CPQ: variants seen among roughly 807,000 people sequenced by gnomAD.
CPQ encodes Ser-Met dipeptidase.
A neutral mutation model predicts 45.7 loss-of-function variants in CPQ; 37 were observed. The ratio of observed to expected loss-of-function variants is 0.81; its 90% confidence interval spans 0.62 to 1.07. The LOEUF (loss-of-function observed/expected upper bound fraction) is 1.07. CPQ is among the 50% of genes least tolerant of loss of function. The pLI is 0.00. For missense variants in CPQ, 537 were observed against 572.9 expected, an observed-to-expected ratio of 0.94 and a Z score of 0.64; for synonymous variants, 186 against 205.8, an observed-to-expected ratio of 0.90 and a Z score of 0.82.
At chr8:96,791,711 G>C in intron 2 of CPQ, among the ~76,000 whole-genome samples, 1 of 152,168 alleles carries the variant, frequency 6.6e-6, no homozygotes, top group Middle Eastern at 3.2e-3. Flanking sequence ...TGTAAAGTTG[G>C]CGTAACAGGA....
At chr8:96,926,576 C>CTTCTTCTTCTTCTTCTTCTTATTCTTCT (rs1812882233) in intron 4 of CPQ, among the ~76,000 whole-genome samples, 14 of 75,042 alleles carry the variant, frequency 1.9e-4, no homozygotes, top group African/African-American at 1.1e-3. Flanking sequence ...CTTCCTCTTC[C>CTTCTTCTTCTTCTTCTTCTTATTCTTCT]TCTTCTTCTT....
At chr8:97,056,759 T>C (rs186642218) in intron 6 of CPQ, among the ~76,000 whole-genome samples, 1 of 152,298 alleles carries the variant, frequency 6.6e-6, no homozygotes, top group East Asian at 1.9e-4. Flanking sequence ...ATCTGTTCAT[T>C]TGACAAGTAT....
intron 7 of CPQ, among the ~76,000 whole-genome samples, chr8:97,125,659 A>C (rs924909471): frequency 6.6e-6 from 1 of 152,218 alleles, no homozygotes; most frequent in Non-Finnish European, 1.5e-5. Context: ...CATAAAAAGC[A>C]TTGCACAAAA....
At chr8:96,784,817 C>A in intron 1 of CPQ, 47 bp from the exon 2 acceptor site, 1 of 1,367,442 alleles carries the variant, frequency 7.3e-7, no homozygotes, top group Admixed American at 2.2e-5. Context: ...GGGCAGATAG[C>A]TGTGAGATTC....
intron 5 of CPQ, among the ~76,000 whole-genome samples, chr8:97,021,493 T>C (rs1184674659): frequency 2.0e-5 from 3 of 152,176 alleles, no homozygotes; most frequent in Non-Finnish European, 2.9e-5. Flanking sequence ...CTAGAACTGA[T>C]ACAAGAATTC....
intron 1 of CPQ, among the ~76,000 whole-genome samples, chr8:96,679,532 G>T (rs1460495070): frequency 6.6e-6 from 1 of 152,056 alleles, no homozygotes; most frequent in Non-Finnish European, 1.5e-5. Flanking sequence ...GTAGAATTCA[G>T]CAGTAAAGCC....
chr8:96,814,671 A>G (rs1269700149), intron 2 of CPQ, among the ~76,000 whole-genome samples: 3 of 152,152 alleles, frequency 2.0e-5, no homozygotes, highest in African/African-American at 4.8e-5. Flanking sequence ...TGGTGTTGAT[A>G]TAGAAATGAG....
intron 1 of CPQ, among the ~76,000 whole-genome samples, chr8:96,766,857 C>T (rs776290386): frequency 2.0e-5 from 3 of 152,070 alleles, no homozygotes; most frequent in African/African-American, 7.3e-5. Context: ...GAAAACTCCA[C>T]GGCAAGCTGG....
At position 96,916,118 on chromosome 8, in the gene CPQ, C is replaced by T. The variant is rs906085132; in HGVS notation, c.849+36113C>T. On this transcript the variant is annotated intron_variant, in intron 4 of 7. Transcript: ENST00000220763. ...CCTACTTCCCTTCCTTTATAAGCCCCGGTTGAGTAGCTTCACTTTAGAGTA... is the reference window on the plus strand; with the variant it reads ...CCTACTTCCCTTCCTTTATAAGCCCTGGTTGAGTAGCTTCACTTTAGAGTA... Among the ~76,000 whole-genome samples the T allele has an allele frequency of 4.6e-5, 7 of 152,112 alleles. No individual in the cohort carries two copies. In the South Asian group the frequency reaches 6.2e-4, roughly 14 times the overall value.
At chr8:97,141,616 C>T (rs180965959) in intron 7 of CPQ, among the ~76,000 whole-genome samples, 19 of 152,218 alleles carry the variant, frequency 1.2e-4, no homozygotes, top group East Asian at 3.9e-4. Context: ...TGGAATTGCA[C>T]GGTAAAATTG....
At chr8:96,793,999 G>C (rs914877951) in intron 2 of CPQ, among the ~76,000 whole-genome samples, 2 of 152,198 alleles carry the variant, frequency 1.3e-5, no homozygotes, top group Non-Finnish European at 2.9e-5. Context: ...GGCTGGTCTT[G>C]AGTGTCTGCA....
intron 5 of CPQ, among the ~76,000 whole-genome samples, chr8:96,985,692 T>G (rs1808954040): frequency 6.6e-6 from 1 of 152,210 alleles, no homozygotes; most frequent in South Asian, 2.1e-4. Flanking sequence ...ACAAGTTTTC[T>G]TGGTATTTTA....
In CPQ at chr8:96,970,858, C is replaced by G. The variant is rs186187607; in HGVS notation, c.961+4812C>G. Among the ~76,000 whole-genome samples, 47 of 152,272 alleles carry G rather than the reference C, an allele frequency of 3.1e-4. No individual in the cohort carries two copies. The East Asian group carries it at 7.5e-3, about 24-fold the overall frequency. ...GATTACAGGCGTGAGCCACCGCGCCCGGCCACTCTTAAGTACTTTATAATA... is the reference window on the plus strand; with the variant it reads ...GATTACAGGCGTGAGCCACCGCGCCGGGCCACTCTTAAGTACTTTATAATA... On this transcript the variant is annotated intron_variant, in intron 5 of 7. Coordinates refer to ENST00000220763, the MANE Select transcript of CPQ (RefSeq NM_016134.4).
intron 3 of CPQ, among the ~76,000 whole-genome samples, chr8:96,852,408 G>A (rs972234279): frequency 2.0e-5 from 3 of 152,058 alleles, no homozygotes; most frequent in Non-Finnish European, 2.9e-5. Context: ...GTGTTCAATC[G>A]TATTTCTCTC....
At chr8:97,089,685 A>AT (rs1276202430) in intron 7 of CPQ, among the ~76,000 whole-genome samples, 2 of 152,114 alleles carry the variant, frequency 1.3e-5, no homozygotes, top group Non-Finnish European at 2.9e-5. Flanking sequence ...AACATCTGTC[A>AT]TTTTTTCCTT....
Position 97,096,430 on chromosome 8 carries a change from A to G in CPQ, c.1255+30220A>G, listed in dbSNP as rs371084668. Among the ~76,000 whole-genome samples the G allele has an allele frequency of 1.1e-4, 16 of 152,328 alleles. No homozygotes were observed. The South Asian group carries it at 3.3e-3, about 32-fold the overall frequency. On this transcript the variant is annotated intron_variant, in intron 7 of 7. Transcript: ENST00000220763. Reference sequence around the variant, plus strand: ...CTTTGAATAAAACAGCTCTTCTTTGAACTTTATCTCCTAGAAAGGGAAATA... The same window carrying G: ...CTTTGAATAAAACAGCTCTTCTTTGGACTTTATCTCCTAGAAAGGGAAATA...
At chr8:97,106,745 G>A (rs1811412570) in intron 7 of CPQ, among the ~76,000 whole-genome samples, 1 of 152,122 alleles carries the variant, frequency 6.6e-6, no homozygotes, top group African/African-American at 2.4e-5. Flanking sequence ...AAGTGAGTGA[G>A]CATAGAGAAG....
intron 1 of CPQ, among the ~76,000 whole-genome samples, chr8:96,701,703 T>C (rs1809464725): frequency 6.6e-6 from 1 of 152,130 alleles, no homozygotes. Flanking sequence ...AATAACATAC[T>C]CTTGGCCATG....
intron 3 of CPQ, among the ~76,000 whole-genome samples, chr8:96,864,068 C>A (rs183704168): frequency 7.9e-5 from 12 of 152,098 alleles, no homozygotes; most frequent in African/African-American, 2.9e-4. Flanking sequence ...GGACACACAC[C>A]AGACATTTAC....
Sources: allele counts gnomAD v4.1 joint callset (sites outside exome capture counted in the v4.1 genomes callset), GRCh38; gene constraint gnomAD v4.1.1; transcripts MANE v1.5; gene names NCBI Gene and HGNC (gene_info 2026-07-23, HGNC 2026-07-21).